The following SLC35D4 variants were observed in gnomAD, a reference collection of about 807,000 sequenced individuals.
The protein encoded by SLC35D4 is solute carrier family 35 member D4, also known as UDP-N-acetylglucosamine transporter SLC35D4.
chr18:23,272,562 G>A, the SLC35D4 span, among the ~76,000 whole-genome samples: 1 of 152,150 alleles, frequency 6.6e-6, no homozygotes, highest in Non-Finnish European at 1.5e-5. Context: ...AGAAAATAGG[G>A]TCAGCAAGCA....
the SLC35D4 span, among the ~76,000 whole-genome samples, chr18:23,409,934 G>A: frequency 5.3e-5 from 8 of 151,416 alleles, no homozygotes; most frequent in African/African-American, 9.7e-5. Context: ...ACAATACAGC[G>A]TAACTACTAC....
At chr18:23,422,592 C>A in the SLC35D4 span, among the ~76,000 whole-genome samples, 1 of 152,126 alleles carries the variant, frequency 6.6e-6, no homozygotes, top group Non-Finnish European at 1.5e-5. Flanking sequence ...TCCAAGGTTG[C>A]CCCCCATCCA....
chr18:23,370,254 A>G, the SLC35D4 span: 1 of 1,612,650 alleles, frequency 6.2e-7, no homozygotes, highest in African/African-American at 1.3e-5. Context: ...GTAGAATTTT[A>G]TAAGCCCCTG....
At chr18:23,309,787 C>G in the SLC35D4 span, 1 of 1,567,246 alleles carries the variant, frequency 6.4e-7, no homozygotes, top group Middle Eastern at 1.7e-4. Context: ...ACCAGCAGGG[C>G]TCTGGAAACC....
At chr18:23,286,584 G>A in the SLC35D4 span, among the ~76,000 whole-genome samples, 8 of 151,934 alleles carry the variant, frequency 5.3e-5, no homozygotes, top group African/African-American at 1.4e-4. Flanking sequence ...CCGAGCTTCA[G>A]GTAACTCTCA....
the SLC35D4 span, among the ~76,000 whole-genome samples, chr18:23,362,963 G>A: frequency 6.6e-6 from 1 of 152,088 alleles, no homozygotes; most frequent in Non-Finnish European, 1.5e-5. Context: ...TCACCCAGCC[G>A]GGCACAGTGG....
At chr18:23,400,897 C>T in the SLC35D4 span, among the ~76,000 whole-genome samples, 1 of 152,146 alleles carries the variant, frequency 6.6e-6, no homozygotes, top group African/African-American at 2.4e-5. Flanking sequence ...CTAGCAAGGG[C>T]CTTCAATCCT....
chr18:23,367,070 T>C, the SLC35D4 span, among the ~76,000 whole-genome samples: 10 of 152,112 alleles, frequency 6.6e-5, no homozygotes, highest in Non-Finnish European at 1.5e-4. Context: ...AAGTGATCAC[T>C]CTCATGGCAG....
chr18:23,368,949 A>G, the SLC35D4 span, among the ~76,000 whole-genome samples: 3 of 152,228 alleles, frequency 2.0e-5, no homozygotes, highest in Non-Finnish European at 4.4e-5. Flanking sequence ...ACCTGTGGGC[A>G]ACTGTTTCCC....
the SLC35D4 span, among the ~76,000 whole-genome samples, chr18:23,295,461 C>T: frequency 6.6e-6 from 1 of 151,802 alleles, no homozygotes; most frequent in African/African-American, 2.4e-5. Flanking sequence ...GTGTAAGGTA[C>T]CTGTTTAATC....
At chr18:23,292,164 C>T in the SLC35D4 span, among the ~76,000 whole-genome samples, 1 of 152,186 alleles carries the variant, frequency 6.6e-6, no homozygotes, top group South Asian at 2.1e-4. Context: ...ACTGTACTCC[C>T]TTTTTTGGGC....
the SLC35D4 span, among the ~76,000 whole-genome samples, chr18:23,419,757 T>C: frequency 6.6e-6 from 1 of 152,192 alleles, no homozygotes; most frequent in Non-Finnish European, 1.5e-5. Flanking sequence ...ATAACAGTAT[T>C]GTATCAATGT....
At chr18:23,348,891 T>C in the SLC35D4 span, among the ~76,000 whole-genome samples, 7 of 152,256 alleles carry the variant, frequency 4.6e-5, no homozygotes, top group Non-Finnish European at 1.0e-4. Context: ...TTTTTATTCA[T>C]CTAGGAATGT....
At chr18:23,377,613 T>G in the SLC35D4 span, 1 of 1,568,390 alleles carries the variant, frequency 6.4e-7, no homozygotes, top group Admixed American at 2.0e-5. Flanking sequence ...AATCTTATAT[T>G]ATGGCTTTTT....
the SLC35D4 span, among the ~76,000 whole-genome samples, chr18:23,411,550 AAAG>A: frequency 2.7e-5 from 4 of 149,788 alleles, no homozygotes; most frequent in South Asian, 6.4e-4. Context: ...AGAAAGAAAG[AAAG>A]GTGTGTGCTG....
chr18:23,369,906 T>C, the SLC35D4 span, among the ~76,000 whole-genome samples: 1 of 151,950 alleles, frequency 6.6e-6, no homozygotes, highest in African/African-American at 2.4e-5. Flanking sequence ...CCTGGCCGGG[T>C]GTGGTGGCTC....
At chr18:23,374,813 T>C in the SLC35D4 span, among the ~76,000 whole-genome samples, 1 of 151,530 alleles carries the variant, frequency 6.6e-6, no homozygotes, top group Non-Finnish European at 1.5e-5. Flanking sequence ...GGGAAAAAAA[T>C]GTTATAAAAG....
At chr18:23,378,670 A>G in the SLC35D4 span, among the ~76,000 whole-genome samples, 3 of 152,136 alleles carry the variant, frequency 2.0e-5, no homozygotes, top group Non-Finnish European at 4.4e-5. Flanking sequence ...GGTGACACAG[A>G]TTTTTCTTCT....
the SLC35D4 span, among the ~76,000 whole-genome samples, chr18:23,367,723 C>A: frequency 6.6e-6 from 1 of 151,400 alleles, no homozygotes; most frequent in Non-Finnish European, 1.5e-5. Context: ...TGTGGTGGGA[C>A]TATGTTTGAA....
Sources: gnomAD v4.1 joint callset for allele counts (sites outside exome capture counted in the v4.1 genomes callset) on GRCh38, gnomAD v4.1.1 for gene constraint, MANE v1.5 for transcripts, NCBI Gene and HGNC (gene_info 2026-07-23, HGNC 2026-07-21) for gene names.